Variants in DOK5 observed in about 807,000 individuals in gnomAD.
DOK5 encodes the protein docking protein 5.
In DOK5, 27 loss-of-function variants were observed where a neutral mutation model predicts 43.3. The observed-to-expected ratio is 0.62, with a 90% CI of 0.46 to 0.86. DOK5 has a LOEUF of 0.86. DOK5 is among the 40% of genes least tolerant of loss of function. The pLI is 0.00. For missense variants in DOK5, 373 were observed against 392.9 expected, an observed-to-expected ratio of 0.95 and a Z score of 0.43; for synonymous variants, 146 against 140.1, an observed-to-expected ratio of 1.04 and a Z score of -0.30.
intron 1 of DOK5, among the ~76,000 whole-genome samples, chr20:54,535,375 C>A (rs1389609919): frequency 1.3e-5 from 2 of 152,000 alleles, no homozygotes; most frequent in Non-Finnish European, 2.9e-5. Context: ...ATTTTCTATA[C>A]TGAGCCTTCT....
intron 6 of DOK5, among the ~76,000 whole-genome samples, chr20:54,635,212 A>G (rs900339391): frequency 1.3e-5 from 2 of 152,188 alleles, no homozygotes; most frequent in Non-Finnish European, 2.9e-5. Flanking sequence ...AGGCCCTGAA[A>G]GACATTTAAG....
intron 1 of DOK5, 27 bp from the exon 2 acceptor site, chr20:54,554,906 G>C (rs1984657461): frequency 7.0e-7 from 1 of 1,425,356 alleles, no homozygotes; most frequent in African/African-American, 1.4e-5. Context: ...GGGAGATGCT[G>C]AGCTCAGTCT....
chr20:54,550,172 T>C (rs1984476349), intron 1 of DOK5, among the ~76,000 whole-genome samples: 1 of 142,874 alleles, frequency 7.0e-6, no homozygotes, highest in East Asian at 2.0e-4. Context: ...TAGACTGTGA[T>C]TGGATGGCAA....
At chr20:54,591,536 T>G in intron 4 of DOK5, 80 bp from the exon 5 acceptor site, 1 of 1,128,966 alleles carries the variant, frequency 8.9e-7, no homozygotes, top group Non-Finnish European at 1.2e-6. Flanking sequence ...TGAATTGTTT[T>G]TAAATGCCTC....
intron 1 of DOK5, among the ~76,000 whole-genome samples, chr20:54,519,602 C>T (rs1400142256): frequency 1.3e-5 from 2 of 152,022 alleles, no homozygotes; most frequent in Admixed American, 6.6e-5. Context: ...TTGAGTAAGG[C>T]TTATATTCAT....
At chr20:54,495,202 T>C in intron 1 of DOK5, 1 of 152,354 alleles carries the variant, frequency 6.6e-6, no homozygotes, top group African/African-American at 2.4e-5. Context: ...TAGTACCAAC[T>C]GTGTTTTTCT....
At position 54,487,509 on chromosome 20, in the gene DOK5, G is replaced by A. The variant is rs111245938; in HGVS notation, c.66+11497G>A. Among the ~76,000 whole-genome samples, 717 of 152,262 alleles carry A rather than the reference G, an allele frequency of 4.7e-3. 4 individuals are homozygous for A. Among genetic ancestry groups the A allele is most frequent in the African/African-American group, 0.017 (695 of 41,550 alleles). ...AGTGCAGGTATTATATGACCATGCA[G>A]TGACAAAAATTTTGGAGGTAGGTGG... is the stretch of plus-strand genomic sequence containing the variant. On this transcript the variant is annotated intron_variant, in intron 1 of 7. Transcript: ENST00000262593.
At chr20:54,574,266 A>G (rs1478849315) in intron 2 of DOK5, among the ~76,000 whole-genome samples, 1 of 152,044 alleles carries the variant, frequency 6.6e-6, no homozygotes, top group Non-Finnish European at 1.5e-5. Flanking sequence ...AGACACCTGT[A>G]TCCACCTCTG....
At chr20:54,568,713 G>T (rs1302232596) in intron 2 of DOK5, among the ~76,000 whole-genome samples, 1 of 151,976 alleles carries the variant, frequency 6.6e-6, no homozygotes, top group Non-Finnish European at 1.5e-5. Flanking sequence ...GGTGGATCAC[G>T]AGGTAAGGAG....
At chr20:54,501,466 C>CAAAAAA (rs76224592) in intron 1 of DOK5, among the ~76,000 whole-genome samples, 3 of 19,448 alleles carry the variant, frequency 1.5e-4, no homozygotes, top group African/African-American at 4.3e-4. Flanking sequence ...GACTCACTCT[C>CAAAAAA]AAAAAAAAAA....
At chr20:54,641,271 A>G (rs1442464804) in intron 6 of DOK5, among the ~76,000 whole-genome samples, 1 of 152,114 alleles carries the variant, frequency 6.6e-6, no homozygotes, top group Non-Finnish European at 1.5e-5. Context: ...AGGGACAGGG[A>G]ATTCGATTCA....
intron 5 of DOK5, among the ~76,000 whole-genome samples, chr20:54,597,566 C>T (rs1600725665): frequency 6.6e-6 from 1 of 152,182 alleles, no homozygotes; most frequent in South Asian, 2.1e-4. Flanking sequence ...TTATTTCCCT[C>T]TTAAAATGAA....
intron 1 of DOK5, among the ~76,000 whole-genome samples, chr20:54,496,446 A>G (rs147465656): frequency 1.3e-5 from 2 of 152,306 alleles, no homozygotes; most frequent in East Asian, 1.9e-4. Context: ...TGGATGAATA[A>G]CATCAGTTCA....
At chr20:54,617,716 G>A (rs1406468265) in intron 6 of DOK5, among the ~76,000 whole-genome samples, 2 of 152,142 alleles carry the variant, frequency 1.3e-5, no homozygotes, top group Non-Finnish European at 2.9e-5. Flanking sequence ...GAGATCATGG[G>A]GCCACCTCAG....
In DOK5 at chr20:54,498,486, G is replaced by T. The variant is rs114380641; in HGVS notation, c.66+22474G>T. On this transcript the variant is annotated intron_variant, in intron 1 of 7. Transcript: ENST00000262593. ...TCTGCTCATATATTTAAGAATTGCA[G>T]CTTGGGTCAGTGAGAGACTGTGGTC... Among the ~76,000 whole-genome samples, 179 of 152,330 alleles carry T rather than the reference G, an allele frequency of 1.2e-3. 1 individual carries two copies. Among genetic ancestry groups the T allele is most frequent in the African/African-American group, 4.1e-3 (172 of 41,574 alleles).
chr20:54,644,513 G>A (rs1178486932), intron 7 of DOK5, among the ~76,000 whole-genome samples: 1 of 151,516 alleles, frequency 6.6e-6, no homozygotes, highest in African/African-American at 2.4e-5. Flanking sequence ...GACCATCCTG[G>A]CTAACACAGT....
chr20:54,608,330 T>A (rs1024854390), intron 5 of DOK5, among the ~76,000 whole-genome samples: 3 of 152,172 alleles, frequency 2.0e-5, no homozygotes, highest in African/African-American at 7.2e-5. Context: ...AAAGAATTGA[T>A]TAAGATTACT....
chr20:54,501,462 C>A (rs1324004341), intron 1 of DOK5, among the ~76,000 whole-genome samples: 3 of 90,420 alleles, frequency 3.3e-5, no homozygotes, highest in East Asian at 7.2e-4. Context: ...GCGAGACTCA[C>A]TCTCAAAAAA....
At chr20:54,543,541 C>CTGTGTGTGTG (rs74179284) in intron 1 of DOK5, among the ~76,000 whole-genome samples, 33 of 143,562 alleles carry the variant, frequency 2.3e-4, no homozygotes, top group African/African-American at 7.1e-4. Flanking sequence ...CCTAGAATTG[C>CTGTGTGTGTG]TGTGTGTGTG....
Sources: gnomAD v4.1 joint callset for allele counts (sites outside exome capture counted in the v4.1 genomes callset) on GRCh38, gnomAD v4.1.1 for gene constraint, MANE v1.5 for transcripts, NCBI Gene and HGNC (gene_info 2026-07-23, HGNC 2026-07-21) for gene names.